Variants in DPYSL4 observed in about 807,000 individuals in gnomAD.
DPYSL4 encodes the protein dihydropyrimidinase like 4.
In DPYSL4, 43 loss-of-function variants were observed where a neutral mutation model predicts 63.4. The ratio of observed to expected loss-of-function variants is 0.68; its 90% CI spans 0.53 to 0.88. The LOEUF (loss-of-function observed/expected upper bound fraction) is 0.88, where lower values mean the gene tolerates loss of function less well. Among genes scored for constraint, DPYSL4 ranks in the 40% least tolerant of loss-of-function variants. The pLI, the probability that DPYSL4 is intolerant of heterozygous loss-of-function variation, is 0.00. For synonymous variants in DPYSL4, 353 were observed against 331.7 expected, an observed-to-expected ratio of 1.06 and a Z score of -0.70; for missense variants, 733 against 819.5, an observed-to-expected ratio of 0.89 and a Z score of 1.29.
intron 12 of DPYSL4, among the ~76,000 whole-genome samples, chr10:132,203,136 G>C (rs2062042266): frequency 6.6e-6 from 1 of 152,224 alleles, no homozygotes; most frequent in South Asian, 2.1e-4. Flanking sequence ...AAAGTGAGCA[G>C]AAATCTAGCT....
intron 1 of DPYSL4, among the ~76,000 whole-genome samples, chr10:132,188,055 G>C (rs1286869961): frequency 2.0e-5 from 3 of 152,172 alleles, no homozygotes; most frequent in Non-Finnish European, 4.4e-5. Context: ...CCCCTCTCCA[G>C]ATGGGAGGGG....
chr10:132,198,117 G>A (rs534902163), intron 6 of DPYSL4, among the ~76,000 whole-genome samples: 21 of 152,342 alleles, frequency 1.4e-4, no homozygotes, highest in African/African-American at 2.9e-4. Flanking sequence ...GGGAGGCAGC[G>A]TGATGGGCAT....
At chr10:132,187,195 T>TG (rs898708464) in intron 1 of DPYSL4, 93 bp downstream of exon 1, 52 of 922,678 alleles carry the variant, frequency 5.6e-5, no homozygotes, top group East Asian at 3.7e-4. Context: ...TGTGCGTGGG[T>TG]GGGGGGTCCC....
At chr10:132,193,807 C>T (rs1168180188) in intron 3 of DPYSL4, among the ~76,000 whole-genome samples, 2 of 152,338 alleles carry the variant, frequency 1.3e-5, no homozygotes, top group Admixed American at 6.5e-5. Context: ...CCTGGCACAC[C>T]GGGGAGGGCA....
At position 132,196,895 on chromosome 10, in the gene DPYSL4, G is replaced by A. The variant is rs1444897730; in HGVS notation, c.513G>A (p.Lys171=). 5 of 1,613,630 alleles carry A rather than the reference G, an allele frequency of 3.1e-6. No homozygotes were observed. The highest frequency in any genetic ancestry group is 4.2e-6 in the Non-Finnish European group (5 of 1,180,002). Residue 171 remains lysine (K), a synonymous_variant, in exon 5 of 14, where the codon AAG becomes AAA. Coordinates refer to ENST00000338492, the MANE Select transcript of DPYSL4 (RefSeq NM_006426.3). ...CCTTCCTGGTCTTCATGGCATACAAGGACCGGTGCCAGTGCAGCGACAGCC... is the reference window on the plus strand; with the variant it reads ...CCTTCCTGGTCTTCATGGCATACAAAGACCGGTGCCAGTGCAGCGACAGCC... ...VNSFLVFMAY[K]DRCQCSDSQM...
chr10:132,187,959 G>A (rs2061827468), intron 1 of DPYSL4, among the ~76,000 whole-genome samples: 1 of 152,182 alleles, frequency 6.6e-6, no homozygotes, highest in Non-Finnish European at 1.5e-5. Flanking sequence ...CTCGGCGGGA[G>A]GGCCGTGGGG....
chr10:132,203,824 G>C lies in DPYSL4; in HGVS notation c.1524G>C (p.Val508=), dbSNP rs781448716. 1 of 1,612,620 alleles carries C rather than the reference G, an allele frequency of 6.2e-7. No homozygotes were observed. Among genetic ancestry groups the C allele is most frequent in the African/African-American group, 1.3e-5 (1 of 74,950 alleles). The part of the protein sequence containing the change: ...LYDGPVHEVM[V]PAKPGSGAPA... Reference sequence around the variant, plus strand: ...ACGGGCCCGTCCACGAGGTGATGGTGCCTGCCAAGCCAGGGAGTGGCGCTC... The same window carrying C: ...ACGGGCCCGTCCACGAGGTGATGGTCCCTGCCAAGCCAGGGAGTGGCGCTC... The change falls in exon 13 of 14, where the codon GTG becomes GTC. Residue 508 remains valine (V), a synonymous_variant. Coordinates refer to ENST00000338492, the MANE Select transcript of DPYSL4 (RefSeq NM_006426.3).
Position 132,198,557 on chromosome 10 carries a change from C to G in DPYSL4, c.690+74C>G, listed in dbSNP as rs1440595571. On this transcript the variant is annotated intron_variant, in intron 7 of 13. Transcript: ENST00000338492. ...CACTGCTGCCTGGGGCTGTGCTGACCCTGGCCCTGGGCTCCTGGCCCTGCC... is the reference window on the plus strand; with the variant it reads ...CACTGCTGCCTGGGGCTGTGCTGACGCTGGCCCTGGGCTCCTGGCCCTGCC... The G allele has an allele frequency of 4.9e-6, 7 of 1,442,566 alleles. No individual in the cohort carries two copies. In the Admixed American group the frequency reaches 1.4e-4, roughly 29 times the overall value. 89.4% of individuals were successfully genotyped at this position (1,442,566 alleles called of 1,614,324 possible).
At chr10:132,204,050 G>A in intron 13 of DPYSL4, 123 bp downstream of exon 13, 7 of 1,292,380 alleles carry the variant, frequency 5.4e-6, no homozygotes, top group Non-Finnish European at 6.4e-6. Context: ...GCTGGGGACT[G>A]GGGCAGGAGA....
chr10:132,194,410 G>A lies in DPYSL4; in HGVS notation c.314-435G>A, dbSNP rs1296857095. On this transcript the variant is annotated intron_variant, in intron 3 of 13. Transcript: ENST00000338492. Reference sequence around the variant, plus strand: ...GTGGGGCACTCGGGAAACCAGCCCAGCTCCCACTGTTCTAGGAAGGCACCC... The same window carrying A: ...GTGGGGCACTCGGGAAACCAGCCCAACTCCCACTGTTCTAGGAAGGCACCC... 2.0e-5 allele frequency among the ~76,000 whole-genome samples: 3 copies of A among 152,344 alleles called. No homozygotes were observed. In the Middle Eastern group the frequency reaches 0.01, roughly 518 times the overall value.
intron 3 of DPYSL4, 137 bp from the exon 4 acceptor site, chr10:132,194,708 G>A: frequency 1.8e-6 from 2 of 1,087,964 alleles, no homozygotes; most frequent in Non-Finnish European, 2.7e-6. Context: ...CTCTCTCAGG[G>A]GCCGGTGGCC....
intron 3 of DPYSL4, 50 bp downstream of exon 3, chr10:132,192,892 C>T (rs1288772330): frequency 2.0e-6 from 3 of 1,533,220 alleles, no homozygotes; most frequent in Non-Finnish European, 1.8e-6. Context: ...CGTCTGCTGC[C>T]CCTCTCTCTG....
At chr10:132,195,846 C>T (rs544270605) in intron 4 of DPYSL4, among the ~76,000 whole-genome samples, 11 of 152,328 alleles carry the variant, frequency 7.2e-5, no homozygotes, top group Admixed American at 2.0e-4. Context: ...CCTGTGGCCT[C>T]GTGTCTCAGA....
At chr10:132,203,692 CCA>C in intron 12 of DPYSL4, 68 bp from the exon 13 acceptor site, 1 of 1,365,838 alleles carries the variant, frequency 7.3e-7, no homozygotes, top group Non-Finnish European at 9.8e-7. Context: ...CCCTCATGCC[CCA>C]TCTCTGGCCC....
In DPYSL4 at chr10:132,192,726, T is replaced by C; in HGVS notation, c.197T>C (p.Leu66Pro). ...KTIDAHGLMV[L>P]PGGVDVHTRL... Reference sequence around the variant, plus strand: ...ATTGACGCCCACGGCCTGATGGTCCTTCCTGGTGGCGTTGACGTCCACACA... The same window carrying C: ...ATTGACGCCCACGGCCTGATGGTCCCTCCTGGTGGCGTTGACGTCCACACA... The change falls in exon 3 of 14, where the codon CTT becomes CCT. Residue 66 changes from leucine (L) to proline (P), a missense_variant. By Grantham distance (98) the Leu-to-Pro change is moderately conservative. Coordinates refer to ENST00000338492, the MANE Select transcript of DPYSL4 (RefSeq NM_006426.3). 1 of 1,613,500 alleles carries C rather than the reference T, an allele frequency of 6.2e-7. No homozygotes were observed. The highest frequency in any genetic ancestry group is 8.5e-7 in the Non-Finnish European group (1 of 1,179,970).
At chr10:132,199,047 G>A (rs2061979923) in intron 8 of DPYSL4, 76 bp downstream of exon 8, 3 of 1,545,610 alleles carry the variant, frequency 1.9e-6, no homozygotes, top group South Asian at 2.5e-5. Flanking sequence ...GGGAGATGCA[G>A]GTTCCCTGAG....
Position 132,197,108 on chromosome 10 carries a change from T to TG in DPYSL4, c.621+11dup. ...CGGGGACATCGTGGAGGAGGTGCCG[T>TG]GGGGCAGGGCTGCCGTGGGGCAGGC... On this transcript the variant is annotated splice_region_variant and intron_variant, in intron 6 of 13. Coordinates refer to ENST00000338492, the MANE Select transcript of DPYSL4 (RefSeq NM_006426.3). 1.3e-6 allele frequency: 2 copies of TG among 1,496,058 alleles called. No individual in the cohort carries two copies. The highest frequency in any genetic ancestry group is 1.3e-5 in the South Asian group (1 of 74,632). The allele number at this position is 1,496,058 out of a possible 1,614,324, so 92.7% of individuals were successfully genotyped here.
Position 132,203,659 on chromosome 10 carries a change from C to T in DPYSL4, c.1462-103C>T, listed in dbSNP as rs2062051927. On this transcript the variant is annotated intron_variant, in intron 12 of 13. Coordinates refer to ENST00000338492, the MANE Select transcript of DPYSL4 (RefSeq NM_006426.3). ...CTGGAGAGGCGCAGAGCAGGCCCAG[C>T]CCTCCAGCTGCCCATGCTCAGCCCC... 56 of 1,159,118 alleles carry T rather than the reference C, an allele frequency of 4.8e-5. 1 individual carries two copies. The highest frequency in any genetic ancestry group is 6.7e-5 in the Non-Finnish European group (55 of 826,384). The allele number at this position is 1,159,118 out of a possible 1,614,324, so 71.8% of individuals were successfully genotyped here.
intron 6 of DPYSL4, among the ~76,000 whole-genome samples, chr10:132,197,602 C>T (rs1260456463): frequency 6.6e-6 from 1 of 152,252 alleles, no homozygotes; most frequent in Non-Finnish European, 1.5e-5. Flanking sequence ...CTAGCAGAGG[C>T]ACCCACAGGT....
Sources: gnomAD v4.1 joint callset for allele counts (sites outside exome capture counted in the v4.1 genomes callset) on GRCh38, gnomAD v4.1.1 for gene constraint, MANE v1.5 for transcripts, NCBI Gene and HGNC (gene_info 2026-07-23, HGNC 2026-07-21) for gene names.